The following CREBZF variants were observed in gnomAD, a reference collection of about 807,000 sequenced individuals.
The protein encoded by CREBZF is HCF-binding transcription factor Zhangfei.
A neutral mutation model predicts 21.1 loss-of-function variants in CREBZF; 8 were observed. That is an observed-to-expected ratio of 0.38 (90% confidence interval 0.22 to 0.68). CREBZF has a LOEUF of 0.68. CREBZF is among the 30% of genes least tolerant of loss of function. The pLI is 0.51. For synonymous variants in CREBZF, 270 were observed against 223.3 expected (o/e 1.21, Z -1.86); for missense variants, 518 against 484.3 (o/e 1.07, Z -0.65).
intron 1 of CREBZF, chr11:85,682,642 CATATAACGTGGAGTCCCTGGAGCCCACT>C: frequency 2.0e-6 from 1 of 496,132 alleles, no homozygotes. Context: ...GCTCTTCCCC[CATATAACGTGGAGTCCCTGGAGCCCACT>C]CCCCTTGTAG....
chr11:85,671,425 A>G (rs949097497), intron 1 of CREBZF, among the ~76,000 whole-genome samples: 1 of 152,136 alleles, frequency 6.6e-6, no homozygotes, highest in African/African-American at 2.4e-5. Context: ...TTCAAAACCA[A>G]TCATGCCATC....
At chr11:85,669,727 G>C (rs2082898651), upstream of CREBZF, among the ~76,000 whole-genome samples, 1 of 152,206 alleles carries the variant, frequency 6.6e-6, no homozygotes, top group African/African-American at 2.4e-5. Context: ...TTGGAGCAGA[G>C]TGGGTAAGAA....
intron 1 of CREBZF, among the ~76,000 whole-genome samples, chr11:85,675,348 T>C (rs1181569592): frequency 6.6e-6 from 1 of 152,172 alleles, no homozygotes; most frequent in Non-Finnish European, 1.5e-5. Flanking sequence ...GAGGCCATTG[T>C]AGGATTATTA....
chr11:85,679,250 T>A (rs2153330391), intron 1 of CREBZF, among the ~76,000 whole-genome samples: 1 of 152,318 alleles, frequency 6.6e-6, no homozygotes, highest in Non-Finnish European at 1.5e-5. Flanking sequence ...CGTCCTCTAA[T>A]CACTCCTACA....
In CREBZF at chr11:85,681,117, A is replaced by T. The variant is rs546495998; in HGVS notation, n.147+1600T>A. ...TGGCAGACAAGCTGTCTGGAGGGGG[A>T]GGGTAGGCTTTTAGGGGAGCAGTTA... is the stretch of plus-strand genomic sequence containing the variant. On this transcript the variant is annotated intron_variant and non_coding_transcript_variant, in intron 1 of 3. Transcript: ENST00000531515. Among the ~76,000 whole-genome samples the T allele has an allele frequency of 4.6e-4, 70 of 152,148 alleles. 2 individuals carry two copies. The South Asian group carries it at 0.014, about 31-fold the overall frequency.
chr11:85,677,998 A>G (rs541894497), intron 1 of CREBZF, among the ~76,000 whole-genome samples: 1 of 152,372 alleles, frequency 6.6e-6, no homozygotes, highest in African/African-American at 2.4e-5. Context: ...TAAATGTTCA[A>G]TTAATTCTCT....
At position 85,663,491 on chromosome 11, in the gene CREBZF, G is replaced by A. The variant is rs1205399680; in HGVS notation, c.*320C>T. On this transcript the variant is annotated 3_prime_UTR_variant, in exon 1 of 1. Transcript: ENST00000527447. ...CCATTAAAGTAGACAAAGCAGCAGA[G>A]CATGAGCGTTACGGGAAGAGATGGA... 2 of 827,690 alleles carry A rather than the reference G, an allele frequency of 2.4e-6. No individual in the cohort carries two copies. The highest frequency in any genetic ancestry group is 4.1e-6 in the Non-Finnish European group (2 of 486,386). The allele number at this position is 827,690 out of a possible 1,614,324, so 51.3% of individuals were successfully genotyped here. A position where few individuals can be genotyped will look rare whatever the true frequency, so the allele number is the denominator to read the frequency against.
At chr11:85,682,579 G>T (rs538673763) in intron 1 of CREBZF, 4 of 538,980 alleles carry the variant, frequency 7.4e-6, no homozygotes, top group South Asian at 4.0e-5. Context: ...AGTTTTAGGG[G>T]ACACGCGCCC....
chr11:85,675,745 A>G (rs571121336), intron 1 of CREBZF, among the ~76,000 whole-genome samples: 1 of 152,324 alleles, frequency 6.6e-6, no homozygotes, highest in East Asian at 1.9e-4. Context: ...ATGCAATAAA[A>G]CAAGGTATGC....
intron 1 of CREBZF, among the ~76,000 whole-genome samples, chr11:85,674,703 A>G (rs1431631009): frequency 6.6e-6 from 1 of 152,202 alleles, no homozygotes; most frequent in Non-Finnish European, 1.5e-5. Context: ...GTCCACAGTG[A>G]AAATCTGTTG....
At chr11:85,665,185 G>C (rs2082841949), upstream of CREBZF, 1 of 367,932 alleles carries the variant, frequency 2.7e-6, no homozygotes, top group Non-Finnish European at 5.1e-6. Flanking sequence ...AGGCCGTAGT[G>C]TCGCGAGATT....
rs181233604 is a variant in CREBZF at position 85,675,082 on chromosome 11, A to G, written n.147+7635T>C. On this transcript the variant is annotated intron_variant and non_coding_transcript_variant, in intron 1 of 3. Coordinates refer to the CREBZF transcript ENST00000531515. ...GGTTTGATCTTCTATCCAGATCACT[A>G]AAACTTTCTCCATATCAGCAATAAG... 5.6e-3 allele frequency among the ~76,000 whole-genome samples: 851 copies of G among 152,340 alleles called. 7 individuals carry two copies. The highest frequency in any genetic ancestry group is 6.8e-3 in the Non-Finnish European group (461 of 68,032).
Position 85,663,839 on chromosome 11 carries a change from C to T in CREBZF, c.1037G>A (p.Arg346Gln), listed in dbSNP as rs1266935909. ...VSVEFCSACA[R>Q]KASSSLKM ...CATTTTAAGAGAAGACGACGCCTTC[C>T]GGGCGCACGCCGAGCAGAACTCCAC... Residue 346 changes from arginine (R) to glutamine (Q), a missense_variant, in exon 1 of 1, where the codon CGG becomes CAG. Transcript: ENST00000527447. 2 of 1,603,826 alleles carry T rather than the reference C, an allele frequency of 1.2e-6. No individual in the cohort carries two copies. The highest frequency in any genetic ancestry group is 1.7e-5 in the Admixed American group (1 of 59,224).
In CREBZF at chr11:85,664,677, T is replaced by G; in HGVS notation, c.199A>C (p.Arg67=). ...ACGGCCACGCCGCCGCGGCTCCCCCTCCCGGCTTCCAACTCTCCTTCGTCG... is the reference window on the plus strand; with the variant it reads ...ACGGCCACGCCGCCGCGGCTCCCCCGCCCGGCTTCCAACTCTCCTTCGTCG... ...FGDEGELEAG[R]GSRGGVAVRA... is the part of the protein sequence containing the mutation. The change falls in exon 1 of 1, where the codon AGG becomes CGG. Residue 67 remains arginine, a synonymous_variant. Transcript: ENST00000527447. The surrounding 1 kb of genome is among the most constrained non-coding windows in gnomAD (Gnocchi z 5.5). The G allele has an allele frequency of 1.3e-6, 2 of 1,598,570 alleles. No individual in the cohort carries two copies. The highest frequency in any genetic ancestry group is 2.2e-5 in the East Asian group (1 of 44,452).
chr11:85,658,804 T>C lies in CREBZF; in HGVS notation c.*5007A>G, dbSNP rs1018736121. 2.6e-5 allele frequency among the ~76,000 whole-genome samples: 4 copies of C among 152,018 alleles called. No homozygotes were observed. Among genetic ancestry groups the C allele is most frequent in the East Asian group, 3.8e-4 (2 of 5,200 alleles). On this transcript the variant is annotated 3_prime_UTR_variant, in exon 1 of 1. Transcript: ENST00000527447. ...ATTTGGAGGCAGACGCTAAAGGAAG[T>C]TGAGATAAATAAAATTCAAATCAGT...
chr11:85,677,949 A>G (rs1028259337), intron 1 of CREBZF, among the ~76,000 whole-genome samples: 17 of 152,264 alleles, frequency 1.1e-4, no homozygotes, highest in Non-Finnish European at 2.2e-4. Context: ...TTAGGAGCCA[A>G]TATGTTTTCC....
At chr11:85,673,887 C>T (rs2082927852) in intron 1 of CREBZF, among the ~76,000 whole-genome samples, 1 of 152,210 alleles carries the variant, frequency 6.6e-6, no homozygotes. Context: ...AAGAAACCAT[C>T]CATTTTTCTT....
intron 1 of CREBZF, among the ~76,000 whole-genome samples, chr11:85,679,591 C>T (rs966495011): frequency 1.3e-5 from 2 of 152,094 alleles, no homozygotes; most frequent in African/African-American, 4.8e-5. Context: ...TATAAGAAAA[C>T]CGGCTCTCTA....
In CREBZF at chr11:85,664,766, C is replaced by T; in HGVS notation, c.110G>A (p.Arg37Gln). ...CGTCTCCTCCTCCCCCGCTGCAGCC[C>T]GGGTCAGGTCAGAGGGCAGCGAACA... is the stretch of plus-strand genomic sequence containing the variant. ...ATCSLPSDLT[R>Q]AAAGEEETAA... The change falls in exon 1 of 1, where the codon CGG becomes CAG. Residue 37 changes from arginine to glutamine, a missense_variant. Physicochemically the swap from Arg to Gln is conservative, Grantham distance 43. This residue lies in a region of CREBZF where 396 missense variants were observed against 324.4 expected (regional missense o/e 1.22). Coordinates refer to ENST00000527447, the MANE Select transcript of CREBZF (RefSeq NM_001039618.4). The surrounding 1 kb of genome is among the most constrained non-coding windows in gnomAD (Gnocchi z 5.5). The T allele has an allele frequency of 1.9e-6, 3 of 1,606,520 alleles. No individual in the cohort carries two copies. Among genetic ancestry groups the T allele is most frequent in the Non-Finnish European group, 8.5e-7 (1 of 1,177,914 alleles).
Sources: gnomAD v4.1 joint callset for allele counts (sites outside exome capture counted in the v4.1 genomes callset) on GRCh38, gnomAD v4.1.1 for gene constraint, gnomAD v4.1.1 regional missense constraint, Gnocchi (gnomAD v3.1) non-coding constraint, MANE v1.5 for transcripts, NCBI Gene and HGNC (gene_info 2026-07-23, HGNC 2026-07-21) for gene names.